The following LMBR1 variants were observed in gnomAD, a reference collection of about 807,000 sequenced individuals.
The protein encoded by LMBR1 is limb development membrane protein 1.
Under a neutral mutation model 73.9 loss-of-function variants are expected in LMBR1, and 52 were observed. That is an observed-to-expected ratio of 0.70 (90% CI 0.56 to 0.89). LMBR1 has a LOEUF of 0.89. Among genes scored for constraint, LMBR1 ranks in the 40% least tolerant of loss-of-function variants. The probability of loss-of-function intolerance (pLI) is 0.00; values close to 1 mark genes in which losing one functional copy is unlikely to be tolerated. For synonymous variants in LMBR1, 215 were observed against 209.4 expected (o/e 1.03, Z -0.23); for missense variants, 539 against 579.8 (o/e 0.93, Z 0.72).
chr7:156,697,067 A>T (rs1808436297), intron 15 of LMBR1, among the ~76,000 whole-genome samples: 1 of 152,168 alleles, frequency 6.6e-6, no homozygotes, highest in South Asian at 2.1e-4. Flanking sequence ...GAGACAGTAC[A>T]AAGAGAGGAA....
intron 5 of LMBR1, among the ~76,000 whole-genome samples, chr7:156,794,160 ACAGT>A (rs1324717275): frequency 6.6e-6 from 1 of 152,230 alleles, no homozygotes; most frequent in Admixed American, 6.5e-5. Flanking sequence ...CCTGTATCCT[ACAGT>A]CATTCAATAT....
chr7:156,878,966 T>C (rs1021423315), intron 1 of LMBR1, among the ~76,000 whole-genome samples: 11 of 152,022 alleles, frequency 7.2e-5, no homozygotes, highest in African/African-American at 2.4e-4. Context: ...CACCAACAAA[T>C]AGTGCTGAGA....
intron 5 of LMBR1, among the ~76,000 whole-genome samples, chr7:156,769,984 A>C (rs1412738053): frequency 6.6e-6 from 1 of 152,142 alleles, no homozygotes; most frequent in Non-Finnish European, 1.5e-5. Context: ...GCCCATGCAG[A>C]CCGCCTCTCC....
intron 15 of LMBR1, among the ~76,000 whole-genome samples, chr7:156,698,553 A>C (rs1016186595): frequency 5.3e-5 from 8 of 152,186 alleles, no homozygotes; most frequent in African/African-American, 1.7e-4. Context: ...CGTGCACCAC[A>C]CGCTCAACAC....
At chr7:156,882,593 T>C (rs930591525) in intron 1 of LMBR1, among the ~76,000 whole-genome samples, 1 of 152,126 alleles carries the variant, frequency 6.6e-6, no homozygotes, top group Admixed American at 6.5e-5. Context: ...AGAGTGTAAA[T>C]GGTGGTTCTC....
At chr7:156,763,601 G>C in intron 6 of LMBR1, 68 bp downstream of exon 6, 1 of 1,316,216 alleles carries the variant, frequency 7.6e-7, no homozygotes, top group South Asian at 1.5e-5. Flanking sequence ...TTTTAAAATT[G>C]AGTGTGTAAT....
At position 156,683,104 on chromosome 7, in the gene LMBR1, T is replaced by C. The variant is rs1477198601; in HGVS notation, c.*974A>G. On this transcript the variant is annotated 3_prime_UTR_variant, in exon 17 of 17. Transcript: ENST00000353442. ...CTTTGGATGTTAAACTGGTAAAAGC[T>C]GGAGGCTTCAAATGGCATATGCAAA... is the stretch of plus-strand genomic sequence containing the variant. 1 of 152,240 alleles carries C rather than the reference T, an allele frequency of 6.6e-6. No homozygotes were observed. Among genetic ancestry groups the C allele is most frequent in the African/African-American group, 2.4e-5 (1 of 41,468 alleles). 9.4% of individuals were successfully genotyped at this position (152,240 alleles called of 1,614,324 possible).
chr7:156,778,784 T>C (rs1413856639), intron 5 of LMBR1, among the ~76,000 whole-genome samples: 1 of 152,234 alleles, frequency 6.6e-6, no homozygotes, highest in South Asian at 2.1e-4. Flanking sequence ...TTGGATGCCA[T>C]TCTGACTACA....
At chr7:156,689,071 G>GTAAAC (rs1806591562) in intron 15 of LMBR1, among the ~76,000 whole-genome samples, 4 of 151,992 alleles carry the variant, frequency 2.6e-5, no homozygotes, top group African/African-American at 9.7e-5. Context: ...ATTTGTAAAA[G>GTAAAC]TATTTTTACT....
At chr7:156,796,832 C>T (rs925215504) in intron 4 of LMBR1, among the ~76,000 whole-genome samples, 1 of 152,144 alleles carries the variant, frequency 6.6e-6, no homozygotes, top group African/African-American at 2.4e-5. Flanking sequence ...TATTGAGCCC[C>T]TAATAAATGC....
At chr7:156,797,709 T>C (rs113095216) in intron 4 of LMBR1, among the ~76,000 whole-genome samples, 4,843 of 152,298 alleles carry the variant, frequency 0.032, 123 homozygotes, top group South Asian at 0.085. Flanking sequence ...ACAAACACAA[T>C]TAATTTAGCA....
chr7:156,779,845 CTT>C (rs1334611258), intron 5 of LMBR1: 2 of 385,838 alleles, frequency 5.2e-6, no homozygotes, highest in Non-Finnish European at 9.7e-6. Flanking sequence ...ATTGTTTTCA[CTT>C]AACAAAAAGG....
At chr7:156,718,448 G>C (rs1236537263) in intron 15 of LMBR1, among the ~76,000 whole-genome samples, 1 of 151,896 alleles carries the variant, frequency 6.6e-6, no homozygotes, top group Non-Finnish European at 1.5e-5. Context: ...AGCAAGGACA[G>C]GCACGTGGCT....
chr7:156,756,779 T>C (rs1821966435), intron 8 of LMBR1, among the ~76,000 whole-genome samples: 1 of 152,120 alleles, frequency 6.6e-6, no homozygotes, highest in Non-Finnish European at 1.5e-5. Flanking sequence ...TTAGTGACAT[T>C]CTGAGATGTG....
intron 9 of LMBR1, among the ~76,000 whole-genome samples, chr7:156,752,463 G>C (rs75127247): frequency 0.032 from 4,845 of 152,284 alleles, 123 homozygotes; most frequent in South Asian, 0.085. Flanking sequence ...TTGCTAGATC[G>C]TGTCCTTGAA....
chr7:156,771,030 ATGTC>A (rs1473300002), intron 5 of LMBR1, among the ~76,000 whole-genome samples: 2 of 152,174 alleles, frequency 1.3e-5, no homozygotes, highest in African/African-American at 2.4e-5. Context: ...ATTCTGATAA[ATGTC>A]TGGCTAGAAA....
chr7:156,693,453 TAA>T (rs1290559113), intron 15 of LMBR1, among the ~76,000 whole-genome samples: 1 of 151,758 alleles, frequency 6.6e-6, no homozygotes, highest in African/African-American at 2.4e-5. Flanking sequence ...AAATAAGAAA[TAA>T]AAAGAGATAT....
chr7:156,701,021 C>T (rs1809561957), intron 15 of LMBR1, among the ~76,000 whole-genome samples: 1 of 152,156 alleles, frequency 6.6e-6, no homozygotes, highest in Non-Finnish European at 1.5e-5. Context: ...TTAAAACCAT[C>T]AGATCTCATG....
chr7:156,738,577 C>T (rs1478896912), intron 9 of LMBR1, among the ~76,000 whole-genome samples: 1 of 152,192 alleles, frequency 6.6e-6, no homozygotes, highest in African/African-American at 2.4e-5. Flanking sequence ...CTTCCTTCTG[C>T]TCGAAGAGAG....
Sources: gnomAD v4.1 joint callset for allele counts (sites outside exome capture counted in the v4.1 genomes callset) on GRCh38, gnomAD v4.1.1 for gene constraint, MANE v1.5 for transcripts, NCBI Gene and HGNC (gene_info 2026-07-23, HGNC 2026-07-21) for gene names.